DYTN: variants seen among roughly 807,000 people sequenced by gnomAD.
DYTN encodes dystrotelin.
DYTN carries 75 observed loss-of-function variants against 69.6 expected under a neutral mutation model. That is an observed-to-expected ratio of 1.08 (90% CI 0.89 to 1.31). The LOEUF (loss-of-function observed/expected upper bound fraction) is 1.31, where lower values mean the gene tolerates loss of function less well. Ranked by LOEUF, DYTN falls within the 50% of genes most tolerant of loss-of-function variation. The pLI, the probability that DYTN is intolerant of heterozygous loss-of-function variation, is 0.00. For synonymous variants in DYTN, 252 were observed against 249.1 expected (o/e 1.01, Z -0.11); for missense variants, 726 against 688.4 (o/e 1.05, Z -0.61).
chr2:206,659,628 T>C (rs1188293596), intron 11 of DYTN, among the ~76,000 whole-genome samples: 1 of 151,992 alleles, frequency 6.6e-6, no homozygotes, highest in African/African-American at 2.4e-5. Context: ...TCTTCATCCA[T>C]GTGGTTATCA....
intron 7 of DYTN, among the ~76,000 whole-genome samples, chr2:206,697,168 C>T (rs1252850912): frequency 1.3e-5 from 2 of 152,168 alleles, no homozygotes; most frequent in African/African-American, 4.8e-5. Context: ...TAATATGCTG[C>T]TCTATCCTTA....
intron 9 of DYTN, among the ~76,000 whole-genome samples, chr2:206,684,177 T>A (rs1044239263): frequency 6.6e-6 from 1 of 152,236 alleles, no homozygotes; most frequent in Non-Finnish European, 1.5e-5. Flanking sequence ...TGTAGCCATT[T>A]GTACTTCTAC....
chr2:206,663,061 G>T lies in DYTN; in HGVS notation c.1475C>A (p.Pro492His). 6.2e-7 allele frequency: 1 copy of T among 1,613,826 alleles called. No homozygotes were observed. Among genetic ancestry groups the T allele is most frequent in the African/African-American group, 1.3e-5 (1 of 74,974 alleles). Residue 492 changes from proline to histidine, a missense_variant, in exon 11 of 12, where the codon CCC becomes CAC. Physicochemically the swap from Pro to His is moderately conservative, Grantham distance 77 (BLOSUM62 -2). Coordinates refer to ENST00000452335, the MANE Select transcript of DYTN (RefSeq NM_001093730.1). The part of the protein sequence containing the change: ...SYQEGLKQDI[P>H]KMVPAEMSSP... The stretch of plus-strand genomic sequence containing the variant: ...GCTCATTTCAGCAGGAACCATTTTG[G>T]GGATGTCCTGCTTCAGTCCCTCCTG...
chr2:206,687,502 T>C (rs1282687734), intron 9 of DYTN: 3 of 152,204 alleles, frequency 2.0e-5, no homozygotes, highest in Admixed American at 2.0e-4. Context: ...TATTTTTAAT[T>C]TTGTTTATAC....
At chr2:206,654,508 G>A (rs1699424643) in intron 11 of DYTN, among the ~76,000 whole-genome samples, 1 of 151,882 alleles carries the variant, frequency 6.6e-6, no homozygotes. Flanking sequence ...CAAAATATTT[G>A]TCGATCAACT....
At chr2:206,698,712 T>G (rs1211155384) in intron 7 of DYTN, among the ~76,000 whole-genome samples, 1 of 152,236 alleles carries the variant, frequency 6.6e-6, no homozygotes, top group Non-Finnish European at 1.5e-5. Flanking sequence ...AGATGGGATT[T>G]TGACTGTTAG....
chr2:206,680,861 T>C (rs1559310229), intron 9 of DYTN, among the ~76,000 whole-genome samples: 1 of 152,228 alleles, frequency 6.6e-6, no homozygotes, highest in Non-Finnish European at 1.5e-5. Flanking sequence ...CAAATGGGTA[T>C]ACAGGCTCTT....
intron 1 of DYTN, among the ~76,000 whole-genome samples, chr2:206,711,424 A>G (rs112640529): frequency 6.6e-6 from 1 of 152,142 alleles, no homozygotes; most frequent in African/African-American, 2.4e-5. Context: ...CCTTAAAAGT[A>G]GTTACTTTTG....
intron 1 of DYTN, among the ~76,000 whole-genome samples, chr2:206,711,544 T>C (rs1406724582): frequency 7.0e-6 from 1 of 143,378 alleles, no homozygotes; most frequent in Non-Finnish European, 1.6e-5. Flanking sequence ...ATTGTTTCTC[T>C]TACCTTTCTT....
At chr2:206,713,380 A>G (rs555374306) in intron 1 of DYTN, among the ~76,000 whole-genome samples, 2 of 152,310 alleles carry the variant, frequency 1.3e-5, no homozygotes, top group African/African-American at 4.8e-5. Context: ...TTTTGAGGTA[A>G]GTTTTCTGCC....
In DYTN at chr2:206,714,151, C is replaced by G. The variant is rs775960303; in HGVS notation, c.20-3553G>C. ...TCATCTTGTAAGTCTAAGCTATTTTCACTCCTCTGGGAGATCTAACAGTGT... is the reference window on the plus strand; with the variant it reads ...TCATCTTGTAAGTCTAAGCTATTTTGACTCCTCTGGGAGATCTAACAGTGT... On this transcript the variant is annotated intron_variant, in intron 1 of 11. Coordinates refer to ENST00000452335, the MANE Select transcript of DYTN (RefSeq NM_001093730.1). 7.1e-4 allele frequency among the ~76,000 whole-genome samples: 108 copies of G among 152,208 alleles called. 3 individuals carry two copies. The highest frequency in any genetic ancestry group is 2.2e-4 in the Non-Finnish European group (15 of 68,042).
At chr2:206,705,690 T>C (rs1700018101) in intron 4 of DYTN, 98 bp downstream of exon 4, 6 of 1,026,544 alleles carry the variant, frequency 5.8e-6, no homozygotes, top group Non-Finnish European at 8.7e-6. Context: ...TCATGCTGAG[T>C]ACATGCTGAA....
chr2:206,653,920 C>G (rs898339237), intron 11 of DYTN, among the ~76,000 whole-genome samples: 3 of 152,190 alleles, frequency 2.0e-5, no homozygotes, highest in African/African-American at 7.2e-5. Context: ...AGGCTTTTAC[C>G]TGGTCTCTTT....
At chr2:206,707,826 C>T (rs1268605507) in intron 2 of DYTN, among the ~76,000 whole-genome samples, 1 of 152,120 alleles carries the variant, frequency 6.6e-6, no homozygotes, top group Admixed American at 6.5e-5. Flanking sequence ...ATACGCTTTC[C>T]AAGAAAGTTA....
At chr2:206,663,751 A>G (rs908885143) in intron 10 of DYTN, among the ~76,000 whole-genome samples, 1 of 152,224 alleles carries the variant, frequency 6.6e-6, no homozygotes, top group East Asian at 1.9e-4. Context: ...AAAGCATTTT[A>G]TAATAGTCTT....
At position 206,701,144 on chromosome 2, in the gene DYTN, C is replaced by CTA. The variant is rs1280314533; in HGVS notation, c.484-930_484-929dup. The CTA allele has an allele frequency of 6.6e-5, 10 of 152,320 alleles. 1 individual carries two copies. The South Asian group carries it at 2.1e-3, about 32-fold the overall frequency. 9.4% of individuals were successfully genotyped at this position (152,320 alleles called of 1,614,324 possible). ...CAATCTGTATTCAATCTGTAACTGA[C>CTA]TAAACAATCTACTGAGATAACTCAC... is the stretch of plus-strand genomic sequence containing the variant. On this transcript the variant is annotated intron_variant, in intron 5 of 11. Coordinates refer to ENST00000452335, the MANE Select transcript of DYTN (RefSeq NM_001093730.1).
At chr2:206,701,309 G>C (rs912508074) in intron 5 of DYTN, 1 of 152,186 alleles carries the variant, frequency 6.6e-6, no homozygotes, top group Non-Finnish European at 1.5e-5. Context: ...TGAAAGGAAA[G>C]GAAATCAGTT....
At chr2:206,709,192 A>G (rs1052994862) in intron 2 of DYTN, among the ~76,000 whole-genome samples, 1 of 152,192 alleles carries the variant, frequency 6.6e-6, no homozygotes, top group African/African-American at 2.4e-5. Flanking sequence ...TGATGCCTGT[A>G]ATCCCAGCAC....
intron 9 of DYTN, among the ~76,000 whole-genome samples, chr2:206,680,293 T>C (rs779173253): frequency 6.6e-6 from 1 of 152,084 alleles, no homozygotes; most frequent in African/African-American, 2.4e-5. Context: ...GAGAAGAGCA[T>C]GGGAAAAACC....
Sources: allele counts gnomAD v4.1 joint callset (sites outside exome capture counted in the v4.1 genomes callset), GRCh38; gene constraint gnomAD v4.1.1; transcripts MANE v1.5; gene names NCBI Gene and HGNC (gene_info 2026-07-23, HGNC 2026-07-21).